The following FMN1 variants were observed in gnomAD, a reference collection of about 807,000 sequenced individuals.
The protein encoded by FMN1 is formin-1.
FMN1 carries 110 observed loss-of-function variants against 132.4 expected under a neutral mutation model. The ratio of observed to expected loss-of-function variants is 0.83; its 90% CI spans 0.71 to 0.97. The LOEUF is 0.97. FMN1 is among the 50% of genes least tolerant of loss of function. The pLI, the probability that FMN1 is intolerant of heterozygous loss-of-function variation, is 0.00. For missense variants in FMN1, 1,792 were observed against 1,705.3 expected (o/e 1.05, Z -0.90); for synonymous variants, 722 against 651.7 (o/e 1.11, Z -1.64).
At chr15:33,008,196 C>T (rs2034519122) in intron 6 of FMN1, 121 bp from the exon 7 acceptor site, 6 of 751,600 alleles carry the variant, frequency 8.0e-6, no homozygotes, top group Non-Finnish European at 1.3e-5. Flanking sequence ...ATCAACCTTA[C>T]AAGAGATGTT....
At chr15:33,119,148 C>T (rs1962312262) in intron 4 of FMN1, among the ~76,000 whole-genome samples, 1 of 152,156 alleles carries the variant, frequency 6.6e-6, no homozygotes, top group Non-Finnish European at 1.5e-5. Context: ...TAGAGAGAAA[C>T]TTCTATTCTG....
intron 17 of FMN1, among the ~76,000 whole-genome samples, chr15:32,826,696 G>T (rs1225961920): frequency 1.1e-4 from 17 of 152,148 alleles, no homozygotes. Context: ...AGTTTGCTTT[G>T]GAGTTTGTAT....
At chr15:33,151,374 G>A in intron 4 of FMN1, 2 of 1,536,674 alleles carry the variant, frequency 1.3e-6, no homozygotes, top group African/African-American at 1.4e-5. Flanking sequence ...AGATCCCAAT[G>A]GAAGGCTGAG....
intron 17 of FMN1, among the ~76,000 whole-genome samples, chr15:32,833,863 T>C (rs2058563083): frequency 6.6e-6 from 1 of 152,228 alleles, no homozygotes; most frequent in African/African-American, 2.4e-5. Flanking sequence ...TGTGGGCATA[T>C]TCATTTAAAT....
intron 4 of FMN1, among the ~76,000 whole-genome samples, chr15:33,101,314 G>T (rs773924377): frequency 6.6e-6 from 1 of 152,020 alleles, no homozygotes; most frequent in Non-Finnish European, 1.5e-5. Context: ...TTCAGTTAAT[G>T]GTATTCTAAT....
At chr15:32,790,200 C>CA (rs2057026876) in intron 19 of FMN1, among the ~76,000 whole-genome samples, 1 of 152,218 alleles carries the variant, frequency 6.6e-6, no homozygotes, top group South Asian at 2.1e-4. Flanking sequence ...TTCCTCCAAA[C>CA]GCATGTTCAG....
chr15:32,792,940 T>G (rs1595923477), intron 19 of FMN1, among the ~76,000 whole-genome samples: 1 of 152,182 alleles, frequency 6.6e-6, no homozygotes, highest in Admixed American at 6.5e-5. Flanking sequence ...GAAAATTGAT[T>G]TTTCCTTTGT....
intron 3 of FMN1, among the ~76,000 whole-genome samples, chr15:33,173,324 T>C (rs929437733): frequency 6.6e-6 from 1 of 152,220 alleles, no homozygotes; most frequent in African/African-American, 2.4e-5. Context: ...AAACAGTATC[T>C]GGCTCAGACA....
chr15:32,843,504 A>G (rs540474499), intron 17 of FMN1, among the ~76,000 whole-genome samples: 1 of 152,364 alleles, frequency 6.6e-6, no homozygotes, highest in Admixed American at 6.5e-5. Flanking sequence ...AGAATATATT[A>G]AAGAGAGAAC....
chr15:33,175,786 A>G (rs1965493564), intron 3 of FMN1, among the ~76,000 whole-genome samples: 1 of 152,184 alleles, frequency 6.6e-6, no homozygotes, highest in Admixed American at 6.5e-5. Context: ...AAATCATCCA[A>G]GAAATTCTCA....
intron 16 of FMN1, among the ~76,000 whole-genome samples, chr15:32,876,638 T>C (rs915608123): frequency 2.0e-5 from 3 of 152,232 alleles, no homozygotes; most frequent in African/African-American, 7.2e-5. Context: ...AAGTGTATTG[T>C]TTAAAAAGTG....
chr15:32,777,447 A>T (rs149752638), intron 19 of FMN1, among the ~76,000 whole-genome samples: 1 of 105,712 alleles, frequency 9.5e-6, no homozygotes, highest in Admixed American at 1.2e-4. Context: ...ATATATTTAT[A>T]TATTATATTT....
chr15:32,905,789 A>T (rs1232159126), intron 12 of FMN1, among the ~76,000 whole-genome samples: 7 of 152,250 alleles, frequency 4.6e-5, no homozygotes, highest in Admixed American at 1.3e-4. Context: ...ACTTGGAGTT[A>T]ATGGCAAATA....
intron 7 of FMN1, among the ~76,000 whole-genome samples, chr15:32,971,512 TTCTC>T (rs764175293): frequency 6.6e-6 from 1 of 152,100 alleles, no homozygotes; most frequent in Non-Finnish European, 1.5e-5. Flanking sequence ...CCATCTTCAT[TTCTC>T]TCTCTCTTTC....
chr15:33,183,101 G>C (rs907472961), intron 2 of FMN1, among the ~76,000 whole-genome samples: 2 of 152,098 alleles, frequency 1.3e-5, no homozygotes, highest in Non-Finnish European at 2.9e-5. Context: ...AGCAGCTCAC[G>C]TGCCTCTTTC....
At chr15:32,964,016 T>TACACACACAC (rs374980152) in intron 9 of FMN1, 91 bp downstream of exon 9, 11,166 of 507,156 alleles carry the variant, frequency 0.022, 73 homozygotes, top group East Asian at 0.051. Flanking sequence ...GTATATACGA[T>TACACACACAC]ACACACACAC....
intron 7 of FMN1, among the ~76,000 whole-genome samples, chr15:32,998,647 A>T (rs1360677679): frequency 6.6e-6 from 1 of 152,202 alleles, no homozygotes; most frequent in African/African-American, 2.4e-5. Flanking sequence ...GCAATGGCCA[A>T]CACGCAGAAA....
chr15:33,130,414 A>G (rs11630560), intron 4 of FMN1, among the ~76,000 whole-genome samples: 6,579 of 152,316 alleles, frequency 0.043, 172 homozygotes, highest in Non-Finnish European at 0.068. Context: ...AAATATCAAC[A>G]GAGATTGAGA....
At chr15:33,056,564 G>C (rs11857606) in intron 6 of FMN1, among the ~76,000 whole-genome samples, 2,190 of 152,288 alleles carry the variant, frequency 0.014, 62 homozygotes, top group African/African-American at 0.05. Flanking sequence ...GTAGGCTACA[G>C]TCTGTTTACA....
Sources: gnomAD v4.1 joint callset for allele counts (sites outside exome capture counted in the v4.1 genomes callset) on GRCh38, gnomAD v4.1.1 for gene constraint, MANE v1.5 for transcripts, NCBI Gene and HGNC (gene_info 2026-07-23, HGNC 2026-07-21) for gene names.